The following AUTS2 variants were observed in gnomAD, a reference collection of about 807,000 sequenced individuals.
AUTS2 encodes the protein autism susceptibility gene 2 protein.
A neutral mutation model predicts 112.4 loss-of-function variants in AUTS2; 17 were observed. The observed-to-expected ratio is 0.15, with a 90% CI of 0.10 to 0.23. The LOEUF is 0.23. Among genes scored for constraint, AUTS2 ranks in the 10% least tolerant of loss-of-function variants. The pLI is 1.00. For synonymous variants in AUTS2, 751 were observed against 702.7 expected, an observed-to-expected ratio of 1.07 and a Z score of -1.09; for missense variants, 1,510 against 1,701.6, an observed-to-expected ratio of 0.89 and a Z score of 1.98.
At chr7:70,605,760 A>G (rs1176836060) in intron 5 of AUTS2, among the ~76,000 whole-genome samples, 2 of 152,176 alleles carry the variant, frequency 1.3e-5, no homozygotes, top group African/African-American at 4.8e-5. Flanking sequence ...TCACAGAATT[A>G]CAATTTGAGG....
intron 5 of AUTS2, among the ~76,000 whole-genome samples, chr7:70,478,685 C>T (rs1332029316): frequency 1.3e-5 from 2 of 152,112 alleles, no homozygotes; most frequent in East Asian, 1.9e-4. Context: ...TTCACACCAC[C>T]CTCCAGCATA....
chr7:70,005,561 T>G (rs767984680), intron 2 of AUTS2, among the ~76,000 whole-genome samples: 1 of 152,178 alleles, frequency 6.6e-6, no homozygotes, highest in Non-Finnish European at 1.5e-5. Context: ...GGGGCTGTTA[T>G]AACAGGCATG....
rs200358851 is a variant in AUTS2, at chr7:70,522,328, G to A, written c.690+86547G>A. ...ATTTCAGCTTTCATTTTGGATTCAGGGGGTATATGTGTAGGTTTGTTACTT... is the reference window on the plus strand; with the variant it reads ...ATTTCAGCTTTCATTTTGGATTCAGAGGGTATATGTGTAGGTTTGTTACTT... On this transcript the variant is annotated intron_variant, in intron 5 of 18. Coordinates refer to ENST00000342771, the MANE Select transcript of AUTS2 (RefSeq NM_015570.4). Among the ~76,000 whole-genome samples, 34 of 152,262 alleles carry A rather than the reference G, an allele frequency of 2.2e-4. No individual in the cohort carries two copies. The East Asian group carries it at 6.6e-3, about 29-fold the overall frequency.
At chr7:70,172,116 G>C (rs1321002205) in intron 4 of AUTS2, among the ~76,000 whole-genome samples, 3 of 152,020 alleles carry the variant, frequency 2.0e-5, no homozygotes, top group African/African-American at 7.3e-5. Context: ...TAACCCCCCT[G>C]TGTTTATCCA....
At chr7:69,613,904 A>G (rs1793178692) in intron 1 of AUTS2, among the ~76,000 whole-genome samples, 1 of 152,168 alleles carries the variant, frequency 6.6e-6, no homozygotes, top group Non-Finnish European at 1.5e-5. Flanking sequence ...CAAATAGTCC[A>G]TTGATTTCCT....
chr7:70,722,147 A>G (rs528659944), intron 6 of AUTS2, among the ~76,000 whole-genome samples: 1 of 151,880 alleles, frequency 6.6e-6, no homozygotes, highest in African/African-American at 2.4e-5. Context: ...CCCGGCCCCA[A>G]CCCCTTTTAA....
intron 5 of AUTS2, among the ~76,000 whole-genome samples, chr7:70,663,176 C>T (rs1259794338): frequency 6.6e-6 from 1 of 152,174 alleles, no homozygotes; most frequent in Non-Finnish European, 1.5e-5. Flanking sequence ...AGGCGGATCA[C>T]TTGAGGCCAG....
chr7:70,704,931 G>A lies in AUTS2; in HGVS notation c.742+6311G>A, dbSNP rs139223973. Among the ~76,000 whole-genome samples, 7 of 152,204 alleles carry A rather than the reference G, an allele frequency of 4.6e-5. No individual in the cohort carries two copies. In the East Asian group the frequency reaches 1.4e-3, roughly 29 times the overall value. On this transcript the variant is annotated intron_variant, in intron 6 of 18. Transcript: ENST00000342771. ...TTTAACATTAACAGTAATTACAGACGCCAGTTAAGCGCCTACAGATGTCAA... is the reference window on the plus strand; with the variant it reads ...TTTAACATTAACAGTAATTACAGACACCAGTTAAGCGCCTACAGATGTCAA...
intron 2 of AUTS2, among the ~76,000 whole-genome samples, chr7:70,100,728 G>C (rs1360243148): frequency 1.3e-5 from 2 of 152,026 alleles, no homozygotes. Flanking sequence ...TTTAAATTTA[G>C]GTAGCAAATG....
chr7:69,706,477 G>A (rs981398428), intron 1 of AUTS2, among the ~76,000 whole-genome samples: 2 of 152,172 alleles, frequency 1.3e-5, no homozygotes, highest in Non-Finnish European at 2.9e-5. Flanking sequence ...AGCACACCTA[G>A]GGTAGAGGCC....
intron 5 of AUTS2, among the ~76,000 whole-genome samples, chr7:70,612,027 T>C (rs1214926630): frequency 1.3e-5 from 2 of 152,176 alleles, no homozygotes; most frequent in African/African-American, 2.4e-5. Flanking sequence ...GTGTGTATAA[T>C]GTATACACAA....
intron 5 of AUTS2, among the ~76,000 whole-genome samples, chr7:70,542,668 A>G (rs904473217): frequency 1.3e-5 from 2 of 152,158 alleles, no homozygotes; most frequent in African/African-American, 2.4e-5. Context: ...TTATTTATCA[A>G]CCAGCCCCAT....
chr7:70,649,540 A>ATTTATTTT (rs369008604), intron 5 of AUTS2, among the ~76,000 whole-genome samples: 5 of 150,838 alleles, frequency 3.3e-5, no homozygotes, highest in African/African-American at 1.2e-4. Flanking sequence ...TTATTTATTT[A>ATTTATTTT]TTTTTTGAGA....
chr7:69,985,226 CT>C (rs1453327649), intron 2 of AUTS2, among the ~76,000 whole-genome samples: 4 of 98,656 alleles, frequency 4.1e-5, no homozygotes, highest in African/African-American at 1.7e-4. Context: ...GGAAGACTCT[CT>C]AAAAAAAAAA....
chr7:70,056,017 T>G (rs139511085), intron 2 of AUTS2, among the ~76,000 whole-genome samples: 45 of 152,154 alleles, frequency 3.0e-4, no homozygotes, highest in African/African-American at 1.0e-3. Context: ...AGACAGTGTC[T>G]TGCTCTGTCG....
intron 4 of AUTS2, among the ~76,000 whole-genome samples, chr7:70,269,361 G>A (rs1787578468): frequency 6.6e-6 from 1 of 152,026 alleles, no homozygotes; most frequent in Admixed American, 6.6e-5. Flanking sequence ...TAGAAGCCTT[G>A]AACAATTCCT....
At chr7:70,442,347 AC>A (rs1796154037) in intron 5 of AUTS2, among the ~76,000 whole-genome samples, 3 of 152,094 alleles carry the variant, frequency 2.0e-5, no homozygotes, top group African/African-American at 7.2e-5. Flanking sequence ...TACTTCCTGG[AC>A]CCCCAAAATG....
chr7:70,714,948 G>A lies in AUTS2; in HGVS notation c.742+16328G>A, dbSNP rs187212828. The stretch of plus-strand genomic sequence containing the variant: ...TGATACTTGCATTGGCATGTTCCCC[G>A]TCAAGCTTTTATCTCATGGTCTCAT... On this transcript the variant is annotated intron_variant, in intron 6 of 18. Coordinates refer to ENST00000342771, the MANE Select transcript of AUTS2 (RefSeq NM_015570.4). Among the ~76,000 whole-genome samples the A allele has an allele frequency of 3.9e-5, 6 of 152,226 alleles. No individual in the cohort carries two copies. In the East Asian group the frequency reaches 9.7e-4, roughly 24 times the overall value.
At chr7:70,304,717 C>CTTTTT (rs11464532) in intron 4 of AUTS2, among the ~76,000 whole-genome samples, 45 of 101,308 alleles carry the variant, frequency 4.4e-4, no homozygotes, top group African/African-American at 1.5e-3. Context: ...GGATTTTTAA[C>CTTTTT]TTTTTTTTTT....
Sources: gnomAD v4.1 joint callset for allele counts (sites outside exome capture counted in the v4.1 genomes callset) on GRCh38, gnomAD v4.1.1 for gene constraint, MANE v1.5 for transcripts, NCBI Gene and HGNC (gene_info 2026-07-23, HGNC 2026-07-21) for gene names.